LRRTM4: variants seen among roughly 807,000 people sequenced by gnomAD.
LRRTM4 encodes leucine-rich repeat transmembrane neuronal protein 4.
A neutral mutation model predicts 47.6 loss-of-function variants in LRRTM4; 25 were observed. That is an observed-to-expected ratio of 0.53 (90% CI 0.38 to 0.73). The LOEUF (loss-of-function observed/expected upper bound fraction) is 0.73. Among genes scored for constraint, LRRTM4 ranks in the 30% least tolerant of loss-of-function variants. LRRTM4 has a pLI of 0.00. For synonymous variants in LRRTM4, 311 were observed against 269.5 expected (o/e 1.15, Z -1.51); for missense variants, 638 against 713.4 (o/e 0.89, Z 1.20).
At chr2:77,005,545 A>G (rs574941814) in intron 3 of LRRTM4, among the ~76,000 whole-genome samples, 3 of 152,276 alleles carry the variant, frequency 2.0e-5, no homozygotes, top group East Asian at 3.9e-4. Context: ...TTGAATTGTA[A>G]TAATCCCCAC....
intron 3 of LRRTM4, among the ~76,000 whole-genome samples, chr2:77,214,387 A>G (rs897351903): frequency 9.2e-5 from 14 of 152,162 alleles, no homozygotes; most frequent in African/African-American, 3.1e-4. Context: ...ATTAGATAAT[A>G]TACTGCTGCC....
At chr2:77,172,394 A>G (rs2103837047) in intron 3 of LRRTM4, among the ~76,000 whole-genome samples, 1 of 152,228 alleles carries the variant, frequency 6.6e-6, no homozygotes, top group South Asian at 2.1e-4. Flanking sequence ...CAGGAGTTCG[A>G]GACTAGCCTG....
chr2:76,962,441 C>T (rs894342026), intron 3 of LRRTM4, among the ~76,000 whole-genome samples: 13 of 150,718 alleles, frequency 8.6e-5, no homozygotes, highest in Admixed American at 4.6e-4. Flanking sequence ...TCTAGATAAA[C>T]GAACCAGAGA....
At chr2:77,511,492 G>T in intron 3 of LRRTM4, among the ~76,000 whole-genome samples, 1 of 151,718 alleles carries the variant, frequency 6.6e-6, no homozygotes, top group African/African-American at 2.4e-5. Flanking sequence ...AATGCTAAAT[G>T]CCATAACCTT....
chr2:77,501,735 A>C (rs1341044505), intron 3 of LRRTM4, among the ~76,000 whole-genome samples: 1 of 151,318 alleles, frequency 6.6e-6, no homozygotes, highest in Non-Finnish European at 1.5e-5. Flanking sequence ...ATGTTTATAG[A>C]AGCTAAAGGA....
At chr2:77,508,624 T>C (rs980408148) in intron 3 of LRRTM4, among the ~76,000 whole-genome samples, 1 of 152,144 alleles carries the variant, frequency 6.6e-6, no homozygotes, top group African/African-American at 2.4e-5. Flanking sequence ...TACGCAATCA[T>C]ATCATGAGAA....
chr2:77,508,878 T>A (rs547499212), intron 3 of LRRTM4, among the ~76,000 whole-genome samples: 1 of 152,184 alleles, frequency 6.6e-6, no homozygotes, highest in Non-Finnish European at 1.5e-5. Context: ...GAATATTTAA[T>A]GTATTGTTGA....
intron 3 of LRRTM4, among the ~76,000 whole-genome samples, chr2:76,819,094 C>A (rs188430888): frequency 6.6e-6 from 1 of 151,706 alleles, no homozygotes; most frequent in Admixed American, 6.6e-5. Context: ...ACTTTCCCGA[C>A]AAATGAGGTT....
At chr2:76,968,384 A>G (rs1401026432) in intron 3 of LRRTM4, among the ~76,000 whole-genome samples, 3 of 106,786 alleles carry the variant, frequency 2.8e-5, no homozygotes, top group Non-Finnish European at 5.6e-5. Flanking sequence ...ATATATATAT[A>G]CACATACATA....
At chr2:77,145,584 T>C (rs888827640) in intron 3 of LRRTM4, among the ~76,000 whole-genome samples, 2 of 150,566 alleles carry the variant, frequency 1.3e-5, no homozygotes, top group African/African-American at 2.4e-5. Context: ...CTGGCTAACA[T>C]GGTGAAACCC....
intron 3 of LRRTM4, among the ~76,000 whole-genome samples, chr2:76,802,724 T>TATACTAATCA (rs2103779866): frequency 1.3e-5 from 2 of 152,174 alleles, no homozygotes; most frequent in Non-Finnish European, 2.9e-5. Context: ...ACTACAAAGC[T>TATACTAATCA]ATACTAATCA....
Position 76,797,223 on chromosome 2 carries a change from G to A in LRRTM4, c.1552-48307C>T, listed in dbSNP as rs867541116. 2.8e-3 allele frequency among the ~76,000 whole-genome samples: 419 copies of A among 152,104 alleles called. 3 individuals carry two copies. Among genetic ancestry groups the A allele is most frequent in the African/African-American group, 9.1e-3 (379 of 41,506 alleles). ...TTAAGGGCAGCCAGAGAGAAAGGTC[G>A]GGTTACCCTCAAAGGGAAGCCCATC... On this transcript the variant is annotated intron_variant, in intron 3 of 3. Coordinates refer to ENST00000409884, the MANE Select transcript of LRRTM4 (RefSeq NM_001134745.3).
intron 3 of LRRTM4, among the ~76,000 whole-genome samples, chr2:77,486,391 T>C (rs1677910956): frequency 6.6e-6 from 1 of 152,166 alleles, no homozygotes; most frequent in Non-Finnish European, 1.5e-5. Flanking sequence ...AAAAATAAAA[T>C]AAAATATCTT....
intron 3 of LRRTM4, among the ~76,000 whole-genome samples, chr2:76,807,375 A>G (rs1244822610): frequency 7.7e-6 from 1 of 130,304 alleles, no homozygotes; most frequent in Non-Finnish European, 1.7e-5. Flanking sequence ...CATTATAAAC[A>G]TTCATTTTAT....
chr2:77,044,702 C>T (rs1489788204), intron 3 of LRRTM4, among the ~76,000 whole-genome samples: 3 of 151,426 alleles, frequency 2.0e-5, no homozygotes, highest in South Asian at 2.1e-4. Flanking sequence ...TATATATATA[C>T]ACCATACATT....
chr2:77,092,891 C>A (rs1294833254), intron 3 of LRRTM4, among the ~76,000 whole-genome samples: 1 of 146,742 alleles, frequency 6.8e-6, no homozygotes, highest in African/African-American at 2.7e-5. Context: ...GTAGAATGGA[C>A]TAAAGGTCTT....
intron 3 of LRRTM4, among the ~76,000 whole-genome samples, chr2:76,779,840 C>T (rs1674259514): frequency 6.6e-6 from 1 of 152,104 alleles, no homozygotes; most frequent in African/African-American, 2.4e-5. Flanking sequence ...TTAGTTGATG[C>T]AGTTTCTTCC....
chr2:76,779,226 A>C (rs1161793909), intron 3 of LRRTM4, among the ~76,000 whole-genome samples: 2 of 152,074 alleles, frequency 1.3e-5, no homozygotes, highest in Admixed American at 6.6e-5. Flanking sequence ...GCTGAAAAAA[A>C]TGTATATTGT....
At chr2:77,466,702 CTTTTTT>C (rs34276275) in intron 3 of LRRTM4, among the ~76,000 whole-genome samples, 9 of 131,360 alleles carry the variant, frequency 6.9e-5, no homozygotes, top group South Asian at 2.4e-4. Flanking sequence ...ACTATGGCAA[CTTTTTT>C]TTTTTTTTTT....
Sources: gnomAD v4.1 joint callset for allele counts (sites outside exome capture counted in the v4.1 genomes callset) on GRCh38, gnomAD v4.1.1 for gene constraint, MANE v1.5 for transcripts, NCBI Gene and HGNC (gene_info 2026-07-23, HGNC 2026-07-21) for gene names.